MOV10L1: variants seen among roughly 807,000 people sequenced by gnomAD.
The protein encoded by MOV10L1 is Mov10 like RNA helicase 1, also known as RNA helicase Mov10l1.
MOV10L1 carries 110 observed loss-of-function variants against 143.8 expected under a neutral mutation model. The observed-to-expected ratio is 0.76, with a 90% confidence interval of 0.66 to 0.90. The LOEUF is 0.90. MOV10L1 is among the 40% of genes least tolerant of loss of function. The pLI, the probability that MOV10L1 is intolerant of heterozygous loss-of-function variation, is 0.00. For synonymous variants in MOV10L1, 593 were observed against 581.1 expected (o/e 1.02, Z -0.29); for missense variants, 1,406 against 1,526.8 (o/e 0.92, Z 1.32).
At chr22:50,144,587 G>T (rs960165027) in intron 18 of MOV10L1, among the ~76,000 whole-genome samples, 6 of 148,124 alleles carry the variant, frequency 4.1e-5, no homozygotes, top group Middle Eastern at 3.6e-3. Context: ...GTTTTGTTTT[G>T]TTTTTTTTTT....
chr22:50,152,301 C>T lies in MOV10L1; in HGVS notation c.2893-744C>T, dbSNP rs773790860. The stretch of plus-strand genomic sequence containing the variant: ...GCATTGCATAGAGAGGACGGCTCCC[C>T]GCGGCACAGACGCAGCGAGTCCTCA... On this transcript the variant is annotated intron_variant, in intron 21 of 26. Coordinates refer to ENST00000262794, the MANE Select transcript of MOV10L1 (RefSeq NM_018995.3). The surrounding 1 kb of genome is among the most constrained non-coding windows in gnomAD (Gnocchi z 4.4). Among the ~76,000 whole-genome samples the T allele has an allele frequency of 2.0e-5, 3 of 152,212 alleles. No homozygotes were observed. Among genetic ancestry groups the T allele is most frequent in the South Asian group, 4.1e-4 (2 of 4,836 alleles).
intron 4 of MOV10L1, 115 bp from the exon 5 acceptor site, chr22:50,108,542 A>G (rs3810975): frequency 0.24 from 275,727 of 1,144,628 alleles, 34,827 homozygotes; most frequent in Admixed American, 0.39. Flanking sequence ...GGGATGGCGG[A>G]CTTGAGCTTC....
chr22:50,109,330 G>C (rs1469303760), intron 5 of MOV10L1, among the ~76,000 whole-genome samples: 1 of 151,914 alleles, frequency 6.6e-6, no homozygotes, highest in Non-Finnish European at 1.5e-5. Context: ...TTTGAGACCA[G>C]CCTGGGCAAC....
At chr22:50,136,538 G>A (rs1174503395) in intron 15 of MOV10L1, among the ~76,000 whole-genome samples, 1 of 152,240 alleles carries the variant, frequency 6.6e-6, no homozygotes, top group Non-Finnish European at 1.5e-5. Flanking sequence ...TCCTGAGAGA[G>A]GAAACAAATG....
At chr22:50,101,795 A>C (rs2147063226) in intron 3 of MOV10L1, among the ~76,000 whole-genome samples, 1 of 141,060 alleles carries the variant, frequency 7.1e-6, no homozygotes, top group South Asian at 2.2e-4. Flanking sequence ...TATAGGCATG[A>C]ACCACTGTGC....
rs144016647 is a variant in MOV10L1, at chr22:50,149,755, C to T, written c.2727+41C>T. On this transcript the variant is annotated intron_variant, in intron 20 of 26. Coordinates refer to ENST00000262794, the MANE Select transcript of MOV10L1 (RefSeq NM_018995.3). ...TGTGTGTGCTGCTTCCTCCTCACCC[C>T]GTTCTCCTGAGGGGATGCAGGCTGC... 2.6e-4 allele frequency: 404 copies of T among 1,555,772 alleles called. 1 individual carries two copies. The Middle Eastern group carries it at 4.3e-3, about 17-fold the overall frequency.
At chr22:50,134,486 CTTTTTAGT>C in intron 14 of MOV10L1, 36 bp from the exon 15 acceptor site, 1 of 1,529,320 alleles carries the variant, frequency 6.5e-7, no homozygotes, top group Admixed American at 1.7e-5. Flanking sequence ...ATTTTTTTAG[CTTTTTAGT>C]TATACCCGTG....
Position 50,152,409 on chromosome 22 carries a change from CCT to C in MOV10L1, c.2893-631_2893-630del, listed in dbSNP as rs1385823452. Among the ~76,000 whole-genome samples the C allele has an allele frequency of 3.9e-5, 6 of 152,184 alleles. No individual in the cohort carries two copies. Among genetic ancestry groups the C allele is most frequent in the Non-Finnish European group, 7.4e-5 (5 of 68,012 alleles). ...TTGAACTCCTGTAGTCGCTGGAGAC[CCT>C]CTCTGGCTGCTTACACCAGCACCAG... On this transcript the variant is annotated intron_variant, in intron 21 of 26. Coordinates refer to ENST00000262794, the MANE Select transcript of MOV10L1 (RefSeq NM_018995.3). This position sits in a 1 kb window ranked among gnomAD's most constrained non-coding sequence, Gnocchi z 4.4.
intron 13 of MOV10L1, among the ~76,000 whole-genome samples, 183 bp downstream of exon 13, chr22:50,128,690 G>T (rs918406538): frequency 2.0e-5 from 3 of 151,402 alleles, no homozygotes; most frequent in African/African-American, 7.3e-5. Context: ...GACTACAGGT[G>T]CCTGCCACCA....
chr22:50,127,171 C>G (rs1291162439), intron 12 of MOV10L1, among the ~76,000 whole-genome samples: 1 of 152,048 alleles, frequency 6.6e-6, no homozygotes, highest in Non-Finnish European at 1.5e-5. Context: ...TCTTAGCCTC[C>G]TAGACCAGCT....
In MOV10L1 at chr22:50,126,187, A is replaced by T; in HGVS notation, c.1748-15A>T. On this transcript the variant is annotated splice_polypyrimidine_tract_variant and intron_variant, in intron 11 of 26. Transcript: ENST00000262794. ...TTGTGTTAGCTTTAAACATGGTAAT[A>T]TATTTTTTAACTAGGTGATAAACTG... 6.5e-7 allele frequency: 1 copy of T among 1,544,466 alleles called. No individual in the cohort carries two copies. The highest frequency in any genetic ancestry group is 8.9e-7 in the Non-Finnish European group (1 of 1,122,282).
Position 50,150,833 on chromosome 22 carries a change from G to A in MOV10L1, c.2826G>A (p.Met942Ile). The A allele has an allele frequency of 1.2e-6, 2 of 1,614,228 alleles. No homozygotes were observed. The highest frequency in any genetic ancestry group is 2.2e-5 in the South Asian group (2 of 91,086). The change falls in exon 21 of 27, where the codon ATG (methionine) becomes ATA (isoleucine). Residue 942 changes from methionine (M) to isoleucine (I), a missense_variant. By Grantham distance (10) the Met-to-Ile change is conservative. Transcript: ENST00000262794. ...GLNVSFLERLMSRPAYQRDEN... is the reference protein window; with the variant it reads ...GLNVSFLERLISRPAYQRDEN... ...ACGTGTCCTTTTTGGAACGGCTGATGTCTCGACCCGCGTACCAGAGGGACG... is the reference window on the plus strand; with the variant it reads ...ACGTGTCCTTTTTGGAACGGCTGATATCTCGACCCGCGTACCAGAGGGACG...
Position 50,144,230 on chromosome 22 carries a change from G to T in MOV10L1, c.2492G>T (p.Cys831Phe), listed in dbSNP as rs760251150. 1 of 1,604,060 alleles carries T rather than the reference G, an allele frequency of 6.2e-7. No individual in the cohort carries two copies. Among genetic ancestry groups the T allele is most frequent in the South Asian group, 1.1e-5 (1 of 90,898 alleles). Residue 831 changes from cysteine to phenylalanine, a missense_variant, in exon 18 of 27, where the codon TGC (cysteine) becomes TTC (phenylalanine). Cys to Phe is a radical substitution (Grantham distance 205). Transcript: ENST00000262794. ...PATMVRVNAT[C>F]RFEEIVIDAV... ...ACCATGGTCCGGGTGAACGCCACCT[G>T]CAGGTTCGAGGAGGTGAGCCCTTGG...
rs559317946 is a variant in MOV10L1, at chr22:50,105,995, T to G, written c.443-2141T>G. The stretch of plus-strand genomic sequence containing the variant: ...GCTTCCTGACCTGCAGGGTCTGATT[T>G]GTACTGTGGTGCTTTACTCCGTTAA... On this transcript the variant is annotated intron_variant, in intron 3 of 26. Transcript: ENST00000262794. 4.6e-5 allele frequency among the ~76,000 whole-genome samples: 7 copies of G among 152,354 alleles called. No individual in the cohort carries two copies. In the South Asian group the frequency reaches 1.2e-3, roughly 27 times the overall value.
chr22:50,125,670 AT>A (rs1225895995), intron 11 of MOV10L1, 101 bp downstream of exon 11: 9 of 1,223,120 alleles, frequency 7.4e-6, no homozygotes, highest in Non-Finnish European at 9.0e-6. Context: ...ACATTATCGC[AT>A]TTTCTTTCTT....
At chr22:50,116,099 A>G (rs557547862) in intron 8 of MOV10L1, among the ~76,000 whole-genome samples, 4 of 152,174 alleles carry the variant, frequency 2.6e-5, no homozygotes, top group African/African-American at 9.6e-5. Context: ...AAATTTTTTG[A>G]AAAACTTAAA....
In MOV10L1 at chr22:50,110,223, G is replaced by A. The variant is rs186514612; in HGVS notation, c.743+1379G>A. The stretch of plus-strand genomic sequence containing the variant: ...CCAGCACTTTGGGAGGCCGAGGTGG[G>A]TGGATCACAAGGTCGGGAGATTGAA... On this transcript the variant is annotated intron_variant, in intron 5 of 26. Transcript: ENST00000262794. 3.0e-3 allele frequency among the ~76,000 whole-genome samples: 451 copies of A among 152,226 alleles called. 8 individuals carry two copies. Among genetic ancestry groups the A allele is most frequent in the East Asian group, 7.9e-3 (41 of 5,170 alleles).
At chr22:50,112,290 T>C (rs2062045790) in intron 5 of MOV10L1, among the ~76,000 whole-genome samples, 1 of 152,194 alleles carries the variant, frequency 6.6e-6, no homozygotes, top group Admixed American at 6.5e-5. Flanking sequence ...GAGCTCTGCT[T>C]TCAGCCCAGT....
chr22:50,156,808 G>GT (rs1439147423), intron 22 of MOV10L1, among the ~76,000 whole-genome samples: 4 of 152,306 alleles, frequency 2.6e-5, no homozygotes, highest in South Asian at 4.1e-4. Flanking sequence ...TTTGACTATT[G>GT]TAAGTAGTGC....
Sources: gnomAD v4.1 joint callset for allele counts (sites outside exome capture counted in the v4.1 genomes callset) on GRCh38, gnomAD v4.1.1 for gene constraint, Gnocchi (gnomAD v3.1) non-coding constraint, MANE v1.5 for transcripts, NCBI Gene and HGNC (gene_info 2026-07-23, HGNC 2026-07-21) for gene names.